MALRD1: variants seen among roughly 807,000 people sequenced by gnomAD.
MALRD1 encodes the protein MAM and LDL receptor class A domain containing 1.
Under a neutral mutation model 242.1 loss-of-function variants are expected in MALRD1, and 247 were observed. That is an observed-to-expected ratio of 1.02 (90% CI 0.92 to 1.13). MALRD1 has a LOEUF of 1.13. Among genes scored for constraint, MALRD1 ranks in the 50% most tolerant of loss-of-function variants. MALRD1 has a pLI of 0.00. For synonymous variants in MALRD1, 995 were observed against 866.6 expected (o/e 1.15, Z -2.60); for missense variants, 2,989 against 2,533.1 (o/e 1.18, Z -3.86).
At chr10:19,187,101 CATGCTTACTTTTAA>C (rs1195750865) in intron 14 of MALRD1, among the ~76,000 whole-genome samples, 1 of 152,302 alleles carries the variant, frequency 6.6e-6, no homozygotes, top group East Asian at 1.9e-4. Flanking sequence ...TAAATACTCA[CATGCTTACTTTTAA>C]GCACTTACTT....
At chr10:19,590,576 C>G (rs545548840) in intron 33 of MALRD1, among the ~76,000 whole-genome samples, 3 of 151,888 alleles carry the variant, frequency 2.0e-5, no homozygotes, top group Non-Finnish European at 4.4e-5. Flanking sequence ...AAAAATGAAT[C>G]TAGTTTAAAT....
chr10:19,359,403 A>T (rs1216607864), intron 26 of MALRD1, among the ~76,000 whole-genome samples: 1 of 152,152 alleles, frequency 6.6e-6, no homozygotes, highest in Non-Finnish European at 1.5e-5. Context: ...TTCCATTCCA[A>T]ATACAAGTTC....
At chr10:19,635,342 T>C (rs1020576209) in intron 36 of MALRD1, among the ~76,000 whole-genome samples, 8 of 152,156 alleles carry the variant, frequency 5.3e-5, no homozygotes, top group Non-Finnish European at 1.2e-4. Flanking sequence ...AAAATGTGTT[T>C]ATGTAAGTGT....
At chr10:19,171,457 T>TATATACACACACAC (rs1166665866) in intron 13 of MALRD1, among the ~76,000 whole-genome samples, 6 of 74,556 alleles carry the variant, frequency 8.0e-5, no homozygotes, top group African/African-American at 2.1e-4. Flanking sequence ...TATATATATA[T>TATATACACACACAC]ACACACATGT....
At position 19,562,365 on chromosome 10, in the gene MALRD1, A is replaced by G. The variant is rs145196220; in HGVS notation, c.5479-5137A>G. On this transcript the variant is annotated intron_variant, in intron 32 of 39. Transcript: ENST00000454679. ...GATAGTTAGATAGATAGATATCTAG[A>G]TAGATAGAGAACTTGATGAGACTTC... Among the ~76,000 whole-genome samples the G allele has an allele frequency of 6.4e-3, 966 of 152,044 alleles. 9 individuals are homozygous for G. The highest frequency in any genetic ancestry group is 0.017 in the African/African-American group (706 of 41,396).
chr10:19,484,354 C>T (rs1051640690), intron 29 of MALRD1, among the ~76,000 whole-genome samples: 5 of 152,032 alleles, frequency 3.3e-5, no homozygotes, highest in Admixed American at 1.3e-4. Context: ...TTAATGCACC[C>T]AGATGTTCAT....
At chr10:19,427,469 T>A (rs1283350607) in intron 28 of MALRD1, among the ~76,000 whole-genome samples, 1 of 152,206 alleles carries the variant, frequency 6.6e-6, no homozygotes, top group African/African-American at 2.4e-5. Context: ...TAAAGAGAAA[T>A]ATGACAATTG....
intron 19 of MALRD1, among the ~76,000 whole-genome samples, chr10:19,258,184 GT>G (rs753393741): frequency 6.6e-6 from 1 of 151,858 alleles, no homozygotes; most frequent in Non-Finnish European, 1.5e-5. Context: ...TTTCCTCACT[GT>G]TTTATGGTTT....
rs536081772 is a variant in MALRD1 at position 19,486,803 on chromosome 10, C to T, written c.5030-4714C>T. On this transcript the variant is annotated intron_variant, in intron 29 of 39. Coordinates refer to ENST00000454679, the MANE Select transcript of MALRD1 (RefSeq NM_001142308.3). ...ACTCTGTGTACAAAACGATTTTAATCCAAATTGAAATTTATAGGATCGAGG... is the reference window on the plus strand; with the variant it reads ...ACTCTGTGTACAAAACGATTTTAATTCAAATTGAAATTTATAGGATCGAGG... Among the ~76,000 whole-genome samples, 3 of 152,146 alleles carry T rather than the reference C, an allele frequency of 2.0e-5. No individual in the cohort carries two copies. The South Asian group carries it at 6.2e-4, about 32-fold the overall frequency.
intron 19 of MALRD1, among the ~76,000 whole-genome samples, chr10:19,279,638 G>T (rs769124705): frequency 4.5e-4 from 68 of 152,322 alleles, no homozygotes; most frequent in Non-Finnish European, 8.7e-4. Flanking sequence ...AAGATGAGGA[G>T]ATGTTAGATT....
chr10:19,450,924 G>T (rs915622710), intron 29 of MALRD1, among the ~76,000 whole-genome samples: 11 of 152,082 alleles, frequency 7.2e-5, no homozygotes, highest in African/African-American at 2.2e-4. Flanking sequence ...CCATTCATGA[G>T]GGCTCTGCCC....
intron 38 of MALRD1, among the ~76,000 whole-genome samples, chr10:19,702,457 CA>C (rs1448867851): frequency 6.6e-6 from 1 of 152,166 alleles, no homozygotes; most frequent in Non-Finnish European, 1.5e-5. Flanking sequence ...AATGTTATAG[CA>C]ATGATGACAT....
chr10:19,081,986 C>G (rs890474528), intron 2 of MALRD1, among the ~76,000 whole-genome samples: 2 of 151,736 alleles, frequency 1.3e-5, no homozygotes, highest in Admixed American at 1.3e-4. Context: ...AGAATTTAAT[C>G]TATTTGCATA....
chr10:19,270,840 A>ACACACACG (rs1321040728), intron 19 of MALRD1, among the ~76,000 whole-genome samples: 2 of 150,730 alleles, frequency 1.3e-5, no homozygotes, highest in African/African-American at 2.4e-5. Context: ...ACACACACAC[A>ACACACACG]CACGCACACA....
chr10:19,423,566 A>G (rs1833792676), intron 28 of MALRD1, among the ~76,000 whole-genome samples: 2 of 152,104 alleles, frequency 1.3e-5, no homozygotes, highest in South Asian at 2.1e-4. Context: ...GCTATGTAGT[A>G]CAGGTGATGC....
intron 32 of MALRD1, among the ~76,000 whole-genome samples, chr10:19,545,528 C>T (rs1305903386): frequency 6.6e-6 from 1 of 150,804 alleles, no homozygotes; most frequent in Non-Finnish European, 1.5e-5. Flanking sequence ...ATATCCAGTA[C>T]CTGCCTACCT....
intron 28 of MALRD1, among the ~76,000 whole-genome samples, chr10:19,424,491 G>C (rs1294062272): frequency 6.6e-6 from 1 of 152,002 alleles, no homozygotes; most frequent in African/African-American, 2.4e-5. Context: ...CCTTAACTAA[G>C]TTCAGTTCTA....
rs550925550 is a variant in MALRD1 at position 19,379,114 on chromosome 10, CT to C, written c.4442-8409del. Among the ~76,000 whole-genome samples, 127 of 152,012 alleles carry C rather than the reference CT, an allele frequency of 8.4e-4. 3 individuals carry two copies. In the South Asian group the frequency reaches 0.026, roughly 31 times the overall value. On this transcript the variant is annotated intron_variant, in intron 26 of 39. Transcript: ENST00000454679. ...CTTGCTCATAATAATCCTTTATTAT[CT>C]TTTTAAACTGTATACAACATGTAGT...
chr10:19,280,041 A>T lies in MALRD1; in HGVS notation c.3080-6A>T. 1 of 1,487,534 alleles carries T rather than the reference A, an allele frequency of 6.7e-7. No individual in the cohort carries two copies. Among genetic ancestry groups the T allele is most frequent in the Non-Finnish European group, 8.9e-7 (1 of 1,120,944 alleles). The allele number at this position is 1,487,534 out of a possible 1,614,324, so 92.1% of individuals were successfully genotyped here. The stretch of plus-strand genomic sequence containing the variant: ...AAATGATGCCTGTATATTATTTCTT[A>T]TCAAGGTAATTTGCCAGCAGACCTC... On this transcript the variant is annotated splice_polypyrimidine_tract_variant and splice_region_variant and intron_variant, in intron 19 of 39. Transcript: ENST00000454679.
Sources: allele counts gnomAD v4.1 joint callset (sites outside exome capture counted in the v4.1 genomes callset), GRCh38; gene constraint gnomAD v4.1.1; transcripts MANE v1.5; gene names NCBI Gene and HGNC (gene_info 2026-07-23, HGNC 2026-07-21).